Variants in LGSN observed in about 807,000 individuals in gnomAD.
The protein encoded by LGSN is lengsin, lens protein with glutamine synthetase domain.
In LGSN, 21 loss-of-function variants were observed where a neutral mutation model predicts 19.5. The observed-to-expected ratio is 1.07, with a 90% confidence interval of 0.76 to 1.55. The LOEUF (loss-of-function observed/expected upper bound fraction) is 1.55. Ranked by LOEUF, LGSN falls within the 40% of genes most tolerant of loss-of-function variation. The pLI, the probability that LGSN is intolerant of heterozygous loss-of-function variation, is 0.00. For missense variants in LGSN, 673 were observed against 608.5 expected (o/e 1.11, Z -1.12); for synonymous variants, 257 against 215.6 (o/e 1.19, Z -1.68).
chr6:63,299,204 G>T (rs1446295142), intron 1 of LGSN, among the ~76,000 whole-genome samples: 1 of 152,060 alleles, frequency 6.6e-6, no homozygotes, highest in African/African-American at 2.4e-5. Context: ...CACCTTTCTG[G>T]CATTTAGCTG....
At chr6:63,557,493 T>C in the LGSN span, among the ~76,000 whole-genome samples, 1 of 151,974 alleles carries the variant, frequency 6.6e-6, no homozygotes, top group Non-Finnish European at 1.5e-5. Context: ...CATATATATA[T>C]ATATGGAGGT....
the LGSN span, among the ~76,000 whole-genome samples, chr6:63,454,470 CTT>C: frequency 5.1e-5 from 6 of 118,672 alleles, no homozygotes; most frequent in Middle Eastern, 4.7e-3. Context: ...TTTACATTTT[CTT>C]TTTTTTTTTT....
At chr6:63,427,487 T>C in the LGSN span, among the ~76,000 whole-genome samples, 1 of 152,196 alleles carries the variant, frequency 6.6e-6, no homozygotes, top group Non-Finnish European at 1.5e-5. Context: ...AAAAATAGGC[T>C]ATTCCTGATC....
At position 63,279,257 on chromosome 6, in the gene LGSN, A is replaced by T. The variant is rs2127379429; in HGVS notation, c.*764T>A. 1 of 152,318 alleles carries T rather than the reference A, an allele frequency of 6.6e-6. No individual in the cohort carries two copies. Among genetic ancestry groups the T allele is most frequent in the African/African-American group, 2.4e-5 (1 of 41,570 alleles). 9.4% of individuals were successfully genotyped at this position (152,318 alleles called of 1,614,324 possible). ...AGAGCCCACCTACCCTCACACACAA[A>T]CATCTTTCTATCTATACTTTGTGTA... On this transcript the variant is annotated 3_prime_UTR_variant, in exon 4 of 4. Coordinates refer to ENST00000370657, the MANE Select transcript of LGSN (RefSeq NM_016571.3).
the LGSN span, among the ~76,000 whole-genome samples, chr6:63,486,275 T>C: frequency 6.6e-6 from 1 of 152,122 alleles, no homozygotes; most frequent in East Asian, 1.9e-4. Flanking sequence ...AAAGCATAGA[T>C]AAGAATGGGA....
the LGSN span, among the ~76,000 whole-genome samples, chr6:63,403,041 G>A: frequency 1.3e-5 from 2 of 151,848 alleles, no homozygotes; most frequent in Non-Finnish European, 2.9e-5. Context: ...AATCACATGA[G>A]CCAATTCCTT....
chr6:63,360,260 C>T, the LGSN span, among the ~76,000 whole-genome samples: 6 of 152,176 alleles, frequency 3.9e-5, no homozygotes, highest in African/African-American at 9.7e-5. Flanking sequence ...CAGTGTTTTT[C>T]AACTTGGTTC....
chr6:63,488,053 T>C, the LGSN span, among the ~76,000 whole-genome samples: 1 of 152,080 alleles, frequency 6.6e-6, no homozygotes, highest in Non-Finnish European at 1.5e-5. Context: ...ATCCTAAAAT[T>C]GTGTGATCAG....
intron 2 of LGSN, chr6:63,293,637 T>C: frequency 2.4e-6 from 1 of 424,456 alleles, no homozygotes; most frequent in Non-Finnish European, 4.7e-6. Flanking sequence ...CATACCAGTT[T>C]GTTCCAGAAT....
the LGSN span, among the ~76,000 whole-genome samples, chr6:63,388,312 C>A: frequency 1.3e-5 from 2 of 152,112 alleles, no homozygotes; most frequent in Non-Finnish European, 2.9e-5. Flanking sequence ...ATTTAAGATA[C>A]CAGCTTCTTG....
chr6:63,398,908 G>A, the LGSN span, among the ~76,000 whole-genome samples: 1 of 151,976 alleles, frequency 6.6e-6, no homozygotes, highest in Non-Finnish European at 1.5e-5. Context: ...GGGCTCAAGC[G>A]ATCCTCAGAC....
chr6:63,302,065 G>T (rs993535337), intron 1 of LGSN, among the ~76,000 whole-genome samples: 5 of 151,926 alleles, frequency 3.3e-5, no homozygotes, highest in Non-Finnish European at 4.4e-5. Flanking sequence ...CCAAAAAAGA[G>T]ACAATAAATA....
chr6:63,404,030 G>A, the LGSN span, among the ~76,000 whole-genome samples: 4 of 151,984 alleles, frequency 2.6e-5, no homozygotes, highest in South Asian at 8.3e-4. Flanking sequence ...CAACCACAAG[G>A]AAATGAATTC....
chr6:63,300,735 G>T (rs1036110123), intron 1 of LGSN, among the ~76,000 whole-genome samples: 2 of 152,032 alleles, frequency 1.3e-5, no homozygotes, highest in African/African-American at 4.8e-5. Flanking sequence ...TCATTTCTAA[G>T]AAGTTAAAAT....
chr6:63,288,706 G>T (rs1053828695), intron 2 of LGSN, among the ~76,000 whole-genome samples: 1 of 152,174 alleles, frequency 6.6e-6, no homozygotes, highest in African/African-American at 2.4e-5. Context: ...GTGTCAGCAG[G>T]ATTGTTTCTT....
chr6:63,568,685 C>G, the LGSN span, among the ~76,000 whole-genome samples: 1 of 151,100 alleles, frequency 6.6e-6, no homozygotes, highest in African/African-American at 2.4e-5. Flanking sequence ...ATTTGCAAAG[C>G]ACAATAAATG....
the LGSN span, among the ~76,000 whole-genome samples, chr6:63,445,795 G>C: frequency 6.6e-5 from 10 of 152,096 alleles, no homozygotes; most frequent in Non-Finnish European, 1.5e-4. Context: ...CCTGCCAACT[G>C]TGTTCTTCTT....
the LGSN span, among the ~76,000 whole-genome samples, chr6:63,514,837 ACC>A: frequency 6.6e-6 from 1 of 151,274 alleles, no homozygotes; most frequent in African/African-American, 2.4e-5. Context: ...AGTAGCTGGG[ACC>A]CCAGGCACCA....
At chr6:63,468,151 A>C in the LGSN span, among the ~76,000 whole-genome samples, 65 of 152,258 alleles carry the variant, frequency 4.3e-4, no homozygotes, top group African/African-American at 1.5e-3. Context: ...TTTATTTGAG[A>C]CAGAGTTTCA....
Sources: allele counts gnomAD v4.1 joint callset (sites outside exome capture counted in the v4.1 genomes callset), GRCh38; gene constraint gnomAD v4.1.1; transcripts MANE v1.5; gene names NCBI Gene and HGNC (gene_info 2026-07-23, HGNC 2026-07-21).